The following GALNTL6 variants were observed in gnomAD, a reference collection of about 807,000 sequenced individuals.
GALNTL6 encodes polypeptide N-acetylgalactosaminyltransferase like 6, also known as polypeptide N-acetylgalactosaminyltransferase-like 6.
In GALNTL6, 46 loss-of-function variants were observed where a neutral mutation model predicts 73.7. The ratio of observed to expected loss-of-function variants is 0.62; its 90% CI spans 0.49 to 0.80. GALNTL6 has a LOEUF of 0.80. Ranked by LOEUF, GALNTL6 falls within the 30% of genes least tolerant of loss-of-function variation. The probability of loss-of-function intolerance (pLI) is 0.00; values close to 1 mark genes in which losing one functional copy is unlikely to be tolerated. For synonymous variants in GALNTL6, 259 were observed against 263.7 expected (o/e 0.98, Z 0.17); for missense variants, 604 against 755.0 (o/e 0.80, Z 2.34).
chr4:172,952,197 T>C lies in GALNTL6; in HGVS notation c.1310T>C (p.Val437Ala). 1 of 1,614,036 alleles carries C rather than the reference T, an allele frequency of 6.2e-7. No homozygotes were observed. Among genetic ancestry groups the C allele is most frequent in the Non-Finnish European group, 8.5e-7 (1 of 1,179,976 alleles). ...CKDFKWFMAA[V>A]AWDVPKYYPP... ...GACTTCAAATGGTTCATGGCTGCTG[T>C]GGCCTGGGACGTGCCTAAATACTAC... The change falls in exon 10 of 13, where the codon GTG (valine) becomes GCG (alanine). Residue 437 changes from valine to alanine, a missense_variant. Physicochemically the swap from Val to Ala is moderately conservative, Grantham distance 64. Around this residue, in one of 5 missense-constraint regions of GALNTL6, gnomAD observed 261 missense variants for 296.5 expected, o/e 0.88. Transcript: ENST00000506823.
chr4:172,861,865 T>A (rs1744411496), intron 7 of GALNTL6, among the ~76,000 whole-genome samples: 1 of 152,242 alleles, frequency 6.6e-6, no homozygotes, highest in African/African-American at 2.4e-5. Flanking sequence ...CATGTGGAAC[T>A]GTGAGTCAAT....
rs1733707221 is a variant in GALNTL6, at chr4:172,487,274, C to CT, written c.553+138588dup. Among the ~76,000 whole-genome samples, 15 of 95,480 alleles carry CT rather than the reference C, an allele frequency of 1.6e-4. No homozygotes were observed. In the South Asian group the frequency reaches 7.6e-3, roughly 48 times the overall value. The allele number at this position is 95,480 out of a possible 152,430, so 62.6% of individuals were successfully genotyped here. A position where few individuals can be genotyped will look rare whatever the true frequency, so the allele number is the denominator to read the frequency against. On this transcript the variant is annotated intron_variant, in intron 5 of 12. Coordinates refer to ENST00000506823, the MANE Select transcript of GALNTL6 (RefSeq NM_001034845.3). ...TTCTTCCTTCCTTCCTTCCTTTCCT[C>CT]TTTCTTTCTTTCCTTCTTTCCTTCT...
chr4:171,862,596 C>CT (rs1038605031), intron 2 of GALNTL6, among the ~76,000 whole-genome samples: 1 of 151,742 alleles, frequency 6.6e-6, no homozygotes, highest in African/African-American at 2.4e-5. Flanking sequence ...TAGACCAAGG[C>CT]TTTTTTTAAA....
intron 2 of GALNTL6, among the ~76,000 whole-genome samples, chr4:172,204,271 C>T (rs540427294): frequency 1.3e-5 from 2 of 152,030 alleles, no homozygotes; most frequent in South Asian, 2.1e-4. Flanking sequence ...TTTAAAACTG[C>T]GTCAATGTAA....
intron 5 of GALNTL6, among the ~76,000 whole-genome samples, chr4:172,487,271 C>CTTT (rs1561106669): frequency 8.0e-6 from 1 of 125,130 alleles, no homozygotes; most frequent in Non-Finnish European, 1.7e-5. Flanking sequence ...TCCTTCCTTT[C>CTTT]CTCTTTCTTT....
At chr4:172,064,467 C>T (rs558440024) in intron 2 of GALNTL6, among the ~76,000 whole-genome samples, 1 of 152,262 alleles carries the variant, frequency 6.6e-6, no homozygotes, top group Admixed American at 6.5e-5. Flanking sequence ...TGTACACAAA[C>T]CTTTCTTGTG....
intron 3 of GALNTL6, among the ~76,000 whole-genome samples, chr4:172,245,940 G>T (rs543756677): frequency 1.3e-5 from 2 of 152,106 alleles, no homozygotes; most frequent in Non-Finnish European, 2.9e-5. Context: ...AAAAACAACT[G>T]TTCCTTCTGA....
At chr4:171,920,735 C>G (rs1232762071) in intron 2 of GALNTL6, among the ~76,000 whole-genome samples, 1 of 152,050 alleles carries the variant, frequency 6.6e-6, no homozygotes, top group African/African-American at 2.4e-5. Context: ...CAGTCATATA[C>G]TCTAATTTCC....
At chr4:172,495,057 A>G (rs1174498305) in intron 5 of GALNTL6, among the ~76,000 whole-genome samples, 1 of 152,200 alleles carries the variant, frequency 6.6e-6, no homozygotes, top group Non-Finnish European at 1.5e-5. Context: ...TGACTGTAAT[A>G]TGAAGACAGA....
rs1378867869 is a variant in GALNTL6 at position 172,508,843 on chromosome 4, A to G, written c.553+160154A>G. Among the ~76,000 whole-genome samples, 7 of 28,496 alleles carry G rather than the reference A, an allele frequency of 2.5e-4. 3 individuals carry two copies. Among genetic ancestry groups the G allele is most frequent in the Non-Finnish European group, 5.8e-4 (7 of 12,058 alleles). 18.7% of individuals were successfully genotyped at this position (28,496 alleles called of 152,430 possible). On this transcript the variant is annotated intron_variant, in intron 5 of 12. Transcript: ENST00000506823. Reference sequence around the variant, plus strand: ...ATTTGGGCTGGCTCCATATTTTGCAATTGTGAATTGTGCTGCTATAAACAT... The same window carrying G: ...ATTTGGGCTGGCTCCATATTTTGCAGTTGTGAATTGTGCTGCTATAAACAT...
chr4:172,119,793 A>G (rs1424610349), intron 2 of GALNTL6, among the ~76,000 whole-genome samples: 1 of 152,202 alleles, frequency 6.6e-6, no homozygotes, highest in Non-Finnish European at 1.5e-5. Context: ...TTCTGGACTC[A>G]TGCATCACAA....
chr4:171,844,742 G>A (rs1385266585), intron 2 of GALNTL6, among the ~76,000 whole-genome samples: 1 of 152,104 alleles, frequency 6.6e-6, no homozygotes, highest in Non-Finnish European at 1.5e-5. Context: ...ATATAACATT[G>A]AGAATTGCAC....
At chr4:173,036,607 A>T (rs946985961) in intron 12 of GALNTL6, among the ~76,000 whole-genome samples, 3 of 152,236 alleles carry the variant, frequency 2.0e-5, no homozygotes, top group African/African-American at 7.2e-5. Flanking sequence ...AAACCAAAAC[A>T]AACAGAAAAA....
chr4:172,575,263 G>A (rs1184661917), intron 5 of GALNTL6, among the ~76,000 whole-genome samples: 1 of 152,048 alleles, frequency 6.6e-6, no homozygotes, highest in Non-Finnish European at 1.5e-5. Context: ...TATTTTTAGG[G>A]AATTTTCCTT....
At chr4:172,824,130 A>G (rs1295804859) in intron 7 of GALNTL6, among the ~76,000 whole-genome samples, 2 of 152,214 alleles carry the variant, frequency 1.3e-5, no homozygotes, top group African/African-American at 4.8e-5. Context: ...AACAATATGT[A>G]TAGCTCTAAA....
intron 5 of GALNTL6, among the ~76,000 whole-genome samples, chr4:172,794,790 C>A (rs1740178215): frequency 6.6e-6 from 1 of 152,182 alleles, no homozygotes; most frequent in African/African-American, 2.4e-5. Context: ...ATTTCAAAAT[C>A]ATTTCCTTGG....
intron 3 of GALNTL6, among the ~76,000 whole-genome samples, chr4:172,282,368 A>C (rs564866903): frequency 6.6e-6 from 1 of 152,330 alleles, no homozygotes; most frequent in South Asian, 2.1e-4. Flanking sequence ...ATAGACTGAA[A>C]ATTTACATGC....
chr4:172,732,356 C>T (rs1214044748), intron 5 of GALNTL6, among the ~76,000 whole-genome samples: 2 of 151,872 alleles, frequency 1.3e-5, no homozygotes, highest in Non-Finnish European at 2.9e-5. Context: ...ATAGTTATTC[C>T]TGCTCTTTTT....
intron 2 of GALNTL6, among the ~76,000 whole-genome samples, chr4:171,887,642 T>A (rs1736640420): frequency 6.6e-6 from 1 of 152,172 alleles, no homozygotes; most frequent in Non-Finnish European, 1.5e-5. Context: ...GTCAATGGAA[T>A]TTATGCATAA....
Sources: gnomAD v4.1 joint callset for allele counts (sites outside exome capture counted in the v4.1 genomes callset) on GRCh38, gnomAD v4.1.1 for gene constraint, gnomAD v4.1.1 regional missense constraint, MANE v1.5 for transcripts, NCBI Gene and HGNC (gene_info 2026-07-23, HGNC 2026-07-21) for gene names.